The following WDR70 variants were observed in gnomAD, a reference collection of about 807,000 sequenced individuals.
WDR70 encodes WD repeat domain 70.
WDR70 carries 53 observed loss-of-function variants against 88.6 expected under a neutral mutation model. That is an observed-to-expected ratio of 0.60 (90% CI 0.48 to 0.75). The LOEUF (loss-of-function observed/expected upper bound fraction) is 0.75. Among genes scored for constraint, WDR70 ranks in the 30% least tolerant of loss-of-function variants. The pLI, the probability that WDR70 is intolerant of heterozygous loss-of-function variation, is 0.00. For missense variants in WDR70, 610 were observed against 823.2 expected (o/e 0.74, Z 3.17); for synonymous variants, 280 against 270.0 (o/e 1.04, Z -0.36).
chr5:37,608,366 A>G (rs76346499), intron 10 of WDR70, among the ~76,000 whole-genome samples: 1,994 of 152,082 alleles, frequency 0.013, 46 homozygotes, highest in African/African-American at 0.046. Flanking sequence ...ATAGCTATTC[A>G]TATGGCTTTT....
chr5:37,749,451 G>T (rs1748735299), intron 17 of WDR70, among the ~76,000 whole-genome samples: 1 of 152,132 alleles, frequency 6.6e-6, no homozygotes, highest in Non-Finnish European at 1.5e-5. Flanking sequence ...GGACGTTGGG[G>T]TGTGAGGGAA....
intron 13 of WDR70, among the ~76,000 whole-genome samples, chr5:37,719,824 TTTTC>T (rs1328649601): frequency 7.5e-5 from 11 of 146,552 alleles, no homozygotes; most frequent in South Asian, 6.6e-4. Context: ...TTCTTTGTTT[TTTTC>T]TTTCTTTCTT....
chr5:37,514,356 A>ATATATATATG lies in WDR70; in HGVS notation c.841-2155_841-2154insATATATGTAT, dbSNP rs771375976. On this transcript the variant is annotated intron_variant, in intron 8 of 17. Coordinates refer to ENST00000265107, the MANE Select transcript of WDR70 (RefSeq NM_018034.4). ...TAGAACTACATATATATATATATAT[A>ATATATATATG]TATGTATGTATGTATGTTTATGTAT... Among the ~76,000 whole-genome samples, 4 of 54,420 alleles carry ATATATATATG rather than the reference A, an allele frequency of 7.4e-5. 1 individual carries two copies. Among genetic ancestry groups the ATATATATATG allele is most frequent in the Non-Finnish European group, 5.3e-5 (1 of 19,020 alleles). The allele number at this position is 54,420 out of a possible 152,430, so 35.7% of individuals were successfully genotyped here.
rs1228946391 is a variant in WDR70 at position 37,528,908 on chromosome 5, G to GTTT, written c.917+12331_917+12333dup. Among the ~76,000 whole-genome samples, 290 of 137,566 alleles carry GTTT rather than the reference G, an allele frequency of 2.1e-3. 1 individual carries two copies. The highest frequency in any genetic ancestry group is 5.0e-3 in the African/African-American group (183 of 36,800). 90.2% of individuals were successfully genotyped at this position (137,566 alleles called of 152,430 possible). A position where few individuals can be genotyped will look rare whatever the true frequency, so the allele number is the denominator to read the frequency against. Reference sequence around the variant, plus strand: ...TTGCCTAAGCCAATGTCTAGAGGGGGTTTTTTTTTTTTTTTGATGTTATCT... The same window carrying GTTT: ...TTGCCTAAGCCAATGTCTAGAGGGGGTTTTTTTTTTTTTTTTTTGATGTTATCT... On this transcript the variant is annotated intron_variant, in intron 9 of 17. Coordinates refer to ENST00000265107, the MANE Select transcript of WDR70 (RefSeq NM_018034.4).
intron 10 of WDR70, 124 bp downstream of exon 10, chr5:37,605,362 A>C: frequency 9.6e-7 from 1 of 1,038,850 alleles, no homozygotes; most frequent in Non-Finnish European, 1.3e-6. Context: ...ACCTAATTTA[A>C]ACTTCAGTGT....
At chr5:37,623,291 C>A (rs1004240368) in intron 10 of WDR70, among the ~76,000 whole-genome samples, 1 of 152,074 alleles carries the variant, frequency 6.6e-6, no homozygotes, top group African/African-American at 2.4e-5. Flanking sequence ...TTCCCAGAGT[C>A]CTTTATAACT....
intron 7 of WDR70, among the ~76,000 whole-genome samples, chr5:37,465,731 G>A (rs1581306566): frequency 6.9e-6 from 1 of 144,954 alleles, no homozygotes; most frequent in Admixed American, 6.8e-5. Context: ...GAAAATAAAT[G>A]GGACTCAACA....
At chr5:37,490,083 C>T (rs2112189378) in intron 8 of WDR70, among the ~76,000 whole-genome samples, 1 of 152,140 alleles carries the variant, frequency 6.6e-6, no homozygotes, top group Non-Finnish European at 1.5e-5. Context: ...CATTCTGGGG[C>T]TGTTTGGTCT....
chr5:37,390,268 A>G (rs1334411499), intron 3 of WDR70, among the ~76,000 whole-genome samples: 1 of 151,594 alleles, frequency 6.6e-6, no homozygotes, highest in Admixed American at 6.6e-5. Flanking sequence ...AAATATAGTG[A>G]AAGCAAGTTT....
At chr5:37,416,439 A>T (rs780743667) in intron 5 of WDR70, among the ~76,000 whole-genome samples, 75 of 152,206 alleles carry the variant, frequency 4.9e-4, no homozygotes, top group Non-Finnish European at 8.5e-4. Context: ...GGGAGGTTGC[A>T]GTGAGCCGAG....
chr5:37,625,269 G>A (rs1744630034), intron 10 of WDR70, among the ~76,000 whole-genome samples: 1 of 152,068 alleles, frequency 6.6e-6, no homozygotes, highest in South Asian at 2.1e-4. Context: ...TCTCCATAAT[G>A]GCTATACAAA....
At position 37,544,767 on chromosome 5, in the gene WDR70, T is replaced by C. The variant is rs558362543; in HGVS notation, c.917+28177T>C. On this transcript the variant is annotated intron_variant, in intron 9 of 17. Coordinates refer to ENST00000265107, the MANE Select transcript of WDR70 (RefSeq NM_018034.4). ...TATTTAAAACTAGCCTTGGATTCAT[T>C]TGGATGTGAGGGTTTCTCTTATATC... is the stretch of plus-strand genomic sequence containing the variant. 1.9e-3 allele frequency among the ~76,000 whole-genome samples: 288 copies of C among 152,324 alleles called. 1 individual carries two copies. Among genetic ancestry groups the C allele is most frequent in the African/African-American group, 6.6e-3 (276 of 41,576 alleles).
intron 9 of WDR70, among the ~76,000 whole-genome samples, chr5:37,582,891 A>G (rs368670587): frequency 2.6e-5 from 4 of 152,348 alleles, no homozygotes; most frequent in East Asian, 3.9e-4. Flanking sequence ...GCACTTCTTT[A>G]GGATGTCGCC....
intron 8 of WDR70, among the ~76,000 whole-genome samples, chr5:37,491,881 C>T (rs1429497680): frequency 6.6e-6 from 1 of 152,070 alleles, no homozygotes. Context: ...TTATTTCTTT[C>T]CATTTTCTAA....
intron 10 of WDR70, among the ~76,000 whole-genome samples, chr5:37,690,923 G>A (rs1017788466): frequency 2.6e-5 from 4 of 152,162 alleles, no homozygotes; most frequent in Non-Finnish European, 5.9e-5. Flanking sequence ...AAAAGACACA[G>A]ACTGGCAAAT....
In WDR70 at chr5:37,514,315, G is replaced by A. The variant is rs565390777; in HGVS notation, c.841-2199G>A. Among the ~76,000 whole-genome samples the A allele has an allele frequency of 6.0e-3, 356 of 59,124 alleles. 1 individual carries two copies. The highest frequency in any genetic ancestry group is 0.013 in the African/African-American group (338 of 25,620). 38.8% of individuals were successfully genotyped at this position (59,124 alleles called of 152,430 possible). A position where few individuals can be genotyped will look rare whatever the true frequency, so the allele number is the denominator to read the frequency against. On this transcript the variant is annotated intron_variant, in intron 8 of 17. Coordinates refer to ENST00000265107, the MANE Select transcript of WDR70 (RefSeq NM_018034.4). ...GATTATAGTTGTGAGCCACTGTGCCGACATTATGGCATATTTAGAACTACA... is the reference window on the plus strand; with the variant it reads ...GATTATAGTTGTGAGCCACTGTGCCAACATTATGGCATATTTAGAACTACA...
rs112754401 is a variant in WDR70 at position 37,457,476 on chromosome 5, G to A, written c.686+14104G>A. Among the ~76,000 whole-genome samples, 1,337 of 152,260 alleles carry A rather than the reference G, an allele frequency of 8.8e-3. 24 individuals carry two copies. Among genetic ancestry groups the A allele is most frequent in the African/African-American group, 0.03 (1,266 of 41,542 alleles). ...AAATACTATCAGGCATGGTGGGAGT[G>A]TAAATTGGCACTGTCTTATAGAGGG... On this transcript the variant is annotated intron_variant, in intron 7 of 17. Coordinates refer to ENST00000265107, the MANE Select transcript of WDR70 (RefSeq NM_018034.4).
intron 9 of WDR70, among the ~76,000 whole-genome samples, chr5:37,530,773 G>GGT (rs1741458087): frequency 1.6e-5 from 2 of 127,948 alleles, no homozygotes; most frequent in African/African-American, 5.7e-5. Flanking sequence ...TTTATCTTTT[G>GGT]TTTTTTTTTT....
chr5:37,591,712 G>A lies in WDR70; in HGVS notation c.918-13352G>A, dbSNP rs547379790. The stretch of plus-strand genomic sequence containing the variant: ...GGCCAACATTACCCTGATGCCTAAC[G>A]CAAAGTCACTTCAGAAAAAGGAAAC... On this transcript the variant is annotated intron_variant, in intron 9 of 17. Coordinates refer to ENST00000265107, the MANE Select transcript of WDR70 (RefSeq NM_018034.4). 1.5e-4 allele frequency among the ~76,000 whole-genome samples: 23 copies of A among 152,258 alleles called. No individual in the cohort carries two copies. In the Middle Eastern group the frequency reaches 0.01, roughly 68 times the overall value.
Sources: gnomAD v4.1 joint callset for allele counts (sites outside exome capture counted in the v4.1 genomes callset) on GRCh38, gnomAD v4.1.1 for gene constraint, MANE v1.5 for transcripts, NCBI Gene and HGNC (gene_info 2026-07-23, HGNC 2026-07-21) for gene names.